NECTIN1: variants seen among roughly 807,000 people sequenced by gnomAD.
NECTIN1 encodes nectin cell adhesion molecule 1, also known as nectin-1.
NECTIN1 carries 23 observed loss-of-function variants against 48.0 expected under a neutral mutation model. That is an observed-to-expected ratio of 0.48 (90% CI 0.34 to 0.68). The LOEUF (loss-of-function observed/expected upper bound fraction) is 0.68. NECTIN1 is among the 30% of genes least tolerant of loss of function. NECTIN1 has a pLI of 0.01. For synonymous variants in NECTIN1, 270 were observed against 288.9 expected (o/e 0.93, Z 0.66); for missense variants, 591 against 709.9 (o/e 0.83, Z 1.90).
chr11:119,677,534 C>T lies in NECTIN1; in HGVS notation c.733+21G>A. 1.2e-6 allele frequency: 2 copies of T among 1,612,264 alleles called. No homozygotes were observed. Among genetic ancestry groups the T allele is most frequent in the Non-Finnish European group, 1.7e-6 (2 of 1,179,940 alleles). On this transcript the variant is annotated intron_variant, in intron 3 of 5. Coordinates refer to ENST00000264025, the MANE Select transcript of NECTIN1 (RefSeq NM_002855.5). The surrounding 1 kb of genome is among the most constrained non-coding windows in gnomAD (Gnocchi z 5.4). ...CAGTGGCGCCCACCCCAGGAGGCCC[C>T]TGGCAGCCAGCCCTGCTCACACTGC...
chr11:119,638,529 G>A (rs1353709723), intron 7 of NECTIN1, among the ~76,000 whole-genome samples: 1 of 152,162 alleles, frequency 6.6e-6, no homozygotes, highest in East Asian at 1.9e-4. Flanking sequence ...TCCCCTGGGG[G>A]CCCTGGGTAG....
chr11:119,640,133 C>T, intron 5 of NECTIN1: 1 of 1,088,492 alleles, frequency 9.2e-7, no homozygotes, highest in Non-Finnish European at 1.3e-6. Flanking sequence ...GCACCCCCAG[C>T]TCCCCTCCCC....
chr11:119,649,407 G>T (rs1271355840), intron 5 of NECTIN1, among the ~76,000 whole-genome samples: 2 of 151,190 alleles, frequency 1.3e-5, no homozygotes, highest in African/African-American at 2.4e-5. Flanking sequence ...AGAAAAAAAG[G>T]CTGGGTGCAG....
At chr11:119,657,169 A>G (rs978130552), downstream of NECTIN1, among the ~76,000 whole-genome samples, 4 of 152,258 alleles carry the variant, frequency 2.6e-5, no homozygotes, top group Non-Finnish European at 5.9e-5. Flanking sequence ...CTCAAACCCT[A>G]TGTGTGTTAA....
At chr11:119,685,805 G>A (rs1370050229) in intron 1 of NECTIN1, among the ~76,000 whole-genome samples, 1 of 152,226 alleles carries the variant, frequency 6.6e-6, no homozygotes, top group Non-Finnish European at 1.5e-5. Context: ...GACACTGAGA[G>A]AGGCGAGCTC....
chr11:119,653,584 C>A (rs1864523139), intron 5 of NECTIN1, among the ~76,000 whole-genome samples: 1 of 152,210 alleles, frequency 6.6e-6, no homozygotes, highest in Non-Finnish European at 1.5e-5. Flanking sequence ...CACCACGTAG[C>A]CAGGAAGGCA....
chr11:119,724,305 A>G (rs1030130034), intron 1 of NECTIN1, among the ~76,000 whole-genome samples: 8 of 152,162 alleles, frequency 5.3e-5, no homozygotes, highest in Admixed American at 5.2e-4. Flanking sequence ...GCCCCAGGTA[A>G]TGCCAGGTTC....
At chr11:119,719,429 G>A (rs1241771155) in intron 1 of NECTIN1, among the ~76,000 whole-genome samples, 3 of 152,216 alleles carry the variant, frequency 2.0e-5, no homozygotes, top group Admixed American at 6.5e-5. Flanking sequence ...CTGACTTCTG[G>A]AATCAGAATC....
intron 5 of NECTIN1, among the ~76,000 whole-genome samples, chr11:119,652,724 G>C (rs1864511368): frequency 6.6e-6 from 1 of 152,152 alleles, no homozygotes; most frequent in Admixed American, 6.5e-5. Context: ...ACTCTCATAC[G>C]CTGTTGGTGG....
rs1460034515 is a variant in NECTIN1 at position 119,661,113 on chromosome 11, A to G, written c.*3634T>C. Reference sequence around the variant, plus strand: ...TGCAAACACCCCCCAGGTCAGAACCAGGAGGATCTGCTGGGCTGTCCCTGG... The same window carrying G: ...TGCAAACACCCCCCAGGTCAGAACCGGGAGGATCTGCTGGGCTGTCCCTGG... On this transcript the variant is annotated 3_prime_UTR_variant, in exon 6 of 6. Transcript: ENST00000264025. The G allele has an allele frequency of 8.1e-6, 8 of 985,616 alleles. No homozygotes were observed. In the East Asian group the frequency reaches 3.4e-4, roughly 42 times the overall value. The allele number at this position is 985,616 out of a possible 1,614,324, so 61.1% of individuals were successfully genotyped here.
chr11:119,651,298 C>T (rs1444172633), intron 5 of NECTIN1, among the ~76,000 whole-genome samples: 2 of 152,098 alleles, frequency 1.3e-5, no homozygotes, highest in East Asian at 3.9e-4. Flanking sequence ...CCCATTGGGG[C>T]TTGGGTGTGT....
intron 1 of NECTIN1, among the ~76,000 whole-genome samples, chr11:119,686,295 C>T (rs549741445): frequency 2.6e-5 from 4 of 152,194 alleles, no homozygotes; most frequent in Non-Finnish European, 4.4e-5. Context: ...TCAATATTCC[C>T]GGGCTGGGAC....
chr11:119,722,502 C>A (rs1051084875), intron 1 of NECTIN1, among the ~76,000 whole-genome samples: 1 of 152,270 alleles, frequency 6.6e-6, no homozygotes, highest in Non-Finnish European at 1.5e-5. Context: ...TCTATGGCCA[C>A]GGCTAGCCTC....
chr11:119,703,364 A>G (rs1865488540), intron 1 of NECTIN1, among the ~76,000 whole-genome samples: 1 of 152,222 alleles, frequency 6.6e-6, no homozygotes, highest in African/African-American at 2.4e-5. Context: ...AATGTCTTTC[A>G]GCAAGGGGCA....
chr11:119,689,522 A>G (rs1262095370), intron 1 of NECTIN1, among the ~76,000 whole-genome samples: 7 of 152,242 alleles, frequency 4.6e-5, no homozygotes, highest in Admixed American at 4.6e-4. Flanking sequence ...GGGAGCTGCA[A>G]AGTGAGGGAC....
intron 5 of NECTIN1, among the ~76,000 whole-genome samples, chr11:119,666,351 G>A (rs1864769955): frequency 6.6e-6 from 1 of 152,220 alleles, no homozygotes; most frequent in African/African-American, 2.4e-5. Flanking sequence ...CAGGAAAGGT[G>A]AAAAGAAGAG....
chr11:119,702,535 T>C (rs1256898471), intron 1 of NECTIN1, among the ~76,000 whole-genome samples: 1 of 152,192 alleles, frequency 6.6e-6, no homozygotes, highest in Non-Finnish European at 1.5e-5. Flanking sequence ...AGCCTGGCCC[T>C]TCCACTTGCC....
chr11:119,699,871 C>T (rs1270259117), intron 1 of NECTIN1, among the ~76,000 whole-genome samples: 1 of 152,194 alleles, frequency 6.6e-6, no homozygotes, highest in Non-Finnish European at 1.5e-5. Flanking sequence ...CCTTTCTCTC[C>T]AAGGCCTCAG....
chr11:119,677,826 C>G lies in NECTIN1; in HGVS notation c.462G>C (p.Gln154His). The G allele has an allele frequency of 6.2e-7, 1 of 1,614,166 alleles. No individual in the cohort carries two copies. Among genetic ancestry groups the G allele is most frequent in the Admixed American group, 1.7e-5 (1 of 60,032 alleles). Reference sequence around the variant, plus strand: ...GCCCCTTCTTGGCTCGAAGCACTGCCTGGGTACCCTCTATCCAATTGGTGG... The same window carrying G: ...GCCCCTTCTTGGCTCGAAGCACTGCGTGGGTACCCTCTATCCAATTGGTGG... ...AKPTNWIEGT[Q>H]AVLRAKKGQD... Residue 154 changes from glutamine to histidine, a missense_variant, in exon 3 of 6, where the codon CAG becomes CAC. Gln to His is a conservative substitution (Grantham distance 24). Transcript: ENST00000264025. The surrounding 1 kb of genome is among the most constrained non-coding windows in gnomAD (Gnocchi z 5.4).
Sources: allele counts gnomAD v4.1 joint callset (sites outside exome capture counted in the v4.1 genomes callset), GRCh38; gene constraint gnomAD v4.1.1; non-coding constraint Gnocchi (gnomAD v3.1); transcripts MANE v1.5; gene names NCBI Gene and HGNC (gene_info 2026-07-23, HGNC 2026-07-21).